MROH7: variants seen among roughly 807,000 people sequenced by gnomAD.
MROH7 encodes the protein maestro heat-like repeat-containing protein family member 7.
Under a neutral mutation model 129.2 loss-of-function variants are expected in MROH7, and 113 were observed. That is an observed-to-expected ratio of 0.87 (90% CI 0.75 to 1.02). The LOEUF (loss-of-function observed/expected upper bound fraction) is 1.02, where lower values mean the gene tolerates loss of function less well. Ranked by LOEUF, MROH7 falls within the 50% of genes least tolerant of loss-of-function variation. The pLI is 0.00. For missense variants in MROH7, 1,601 were observed against 1,671.3 expected (o/e 0.96, Z 0.73); for synonymous variants, 655 against 667.9 (o/e 0.98, Z 0.30).
At chr1:54,673,912 G>C in intron 9 of MROH7, 104 bp from the exon 10 acceptor site, 1 of 1,536,116 alleles carries the variant, frequency 6.5e-7, no homozygotes, top group Non-Finnish European at 9.0e-7. Flanking sequence ...GCCATCTTCA[G>C]AGGGCTGTGC....
At chr1:54,666,959 C>T (rs1458682605) in intron 4 of MROH7, among the ~76,000 whole-genome samples, 1 of 152,148 alleles carries the variant, frequency 6.6e-6, no homozygotes, top group Non-Finnish European at 1.5e-5. Flanking sequence ...TGGGAGAGAT[C>T]AGAAAGACCT....
At chr1:54,705,433 T>C (rs1197071481) in intron 21 of MROH7, among the ~76,000 whole-genome samples, 1 of 152,170 alleles carries the variant, frequency 6.6e-6, no homozygotes, top group Non-Finnish European at 1.5e-5. Context: ...GGGACATCAG[T>C]ATAAATAATT....
intron 3 of MROH7, among the ~76,000 whole-genome samples, chr1:54,660,738 C>A (rs1030847755): frequency 2.6e-5 from 4 of 152,162 alleles, no homozygotes; most frequent in South Asian, 2.1e-4. Flanking sequence ...TCACTTGAAC[C>A]CCGGAGGTGG....
At chr1:54,707,483 G>A (rs1570008102) in intron 22 of MROH7, among the ~76,000 whole-genome samples, 1 of 152,232 alleles carries the variant, frequency 6.6e-6, no homozygotes, top group Non-Finnish European at 1.5e-5. Flanking sequence ...TTCAGGAGGT[G>A]ATGCTGATGA....
intron 1 of MROH7, among the ~76,000 whole-genome samples, chr1:54,643,310 C>T (rs1644415654): frequency 6.6e-6 from 1 of 152,094 alleles, no homozygotes; most frequent in South Asian, 2.1e-4. Flanking sequence ...GGTGAATAGT[C>T]TTGGGGAAGT....
At chr1:54,674,292 T>C in intron 10 of MROH7, 141 bp downstream of exon 10, 2 of 883,608 alleles carry the variant, frequency 2.3e-6, no homozygotes, top group Non-Finnish European at 3.3e-6. Flanking sequence ...ATGGGGACTG[T>C]GGAAACTGGT....
chr1:54,673,085 C>T lies in MROH7; in HGVS notation c.1600-6C>T, dbSNP rs775285172. On this transcript the variant is annotated splice_region_variant and splice_polypyrimidine_tract_variant and intron_variant, in intron 7 of 23. Transcript: ENST00000421030. The stretch of plus-strand genomic sequence containing the variant: ...CTTAGTGGCTTGGTCCTCCTCCCAT[C>T]CACAGGCTCTTTACCATCAGACCCT... 6.2e-7 allele frequency: 1 copy of T among 1,612,268 alleles called. No individual in the cohort carries two copies. The highest frequency in any genetic ancestry group is 8.5e-7 in the Non-Finnish European group (1 of 1,178,524).
chr1:54,651,505 T>G (rs372111022), intron 1 of MROH7: 6 of 152,366 alleles, frequency 3.9e-5, no homozygotes, highest in African/African-American at 1.4e-4. Context: ...TGGGAGAGCC[T>G]GCCTCTTTGG....
chr1:54,701,304 G>C lies in MROH7; in HGVS notation c.3267G>C (p.Leu1089=), dbSNP rs776139612. Residue 1089 remains leucine (L), a synonymous_variant, in exon 19 of 24, where the codon CTG becomes CTC. Transcript: ENST00000421030. ...SAVYVEMLQI[L]LPHFSDAREV... ...TCTATGTGGAGATGCTGCAGATCCT[G>C]CTGCCGCACTTCAGCGACGTGAGGA... is the stretch of plus-strand genomic sequence containing the variant. The C allele has an allele frequency of 9.4e-6, 15 of 1,597,410 alleles. No individual in the cohort carries two copies. The highest frequency in any genetic ancestry group is 1.2e-5 in the Non-Finnish European group (14 of 1,168,806).
intron 1 of MROH7, among the ~76,000 whole-genome samples, chr1:54,642,653 T>C (rs527821277): frequency 1.3e-3 from 194 of 152,308 alleles, no homozygotes; most frequent in Non-Finnish European, 1.4e-3. Context: ...TCTCTCTCTG[T>C]CACCCAGACT....
intron 17 of MROH7, chr1:54,699,797 G>T (rs1192649757): frequency 5.5e-6 from 2 of 366,684 alleles, no homozygotes; most frequent in Non-Finnish European, 9.8e-6. Context: ...AGGAAGTCCA[G>T]GGCACCCAAG....
intron 1 of MROH7, among the ~76,000 whole-genome samples, chr1:54,650,820 C>A (rs1644542958): frequency 6.6e-6 from 1 of 151,726 alleles, no homozygotes; most frequent in Admixed American, 6.6e-5. Flanking sequence ...ACCTCCTGGG[C>A]TCAAGTGATC....
intron 20 of MROH7, 139 bp from the exon 21 acceptor site, chr1:54,702,480 TAAAA>T (rs748758381): frequency 1.2e-6 from 1 of 848,824 alleles, no homozygotes; most frequent in Non-Finnish European, 1.7e-6. Flanking sequence ...AAAATAAAAA[TAAAA>T]TAATAGTAAT....
intron 15 of MROH7, among the ~76,000 whole-genome samples, chr1:54,691,131 G>A (rs1278922608): frequency 6.6e-6 from 1 of 152,170 alleles, no homozygotes; most frequent in Non-Finnish European, 1.5e-5. Context: ...AACACTCTGA[G>A]CCTGCCTGTC....
intron 4 of MROH7, among the ~76,000 whole-genome samples, chr1:54,668,404 T>C (rs1557702052): frequency 6.6e-6 from 1 of 152,236 alleles, no homozygotes; most frequent in Non-Finnish European, 1.5e-5. Flanking sequence ...TTGTTTATTT[T>C]CCTTCTTCTC....
intron 14 of MROH7, among the ~76,000 whole-genome samples, chr1:54,684,581 G>C (rs1297481131): frequency 1.3e-5 from 2 of 152,264 alleles, no homozygotes; most frequent in African/African-American, 4.8e-5. Context: ...GAGCAAGATA[G>C]AGCCGAAAGC....
chr1:54,701,427 G>T, intron 19 of MROH7, 105 bp downstream of exon 19: 2 of 1,031,618 alleles, frequency 1.9e-6, no homozygotes, highest in Middle Eastern at 2.8e-4. Context: ...CCTGGGCAGT[G>T]TTGGGTCAGC....
At chr1:54,669,316 C>T (rs562222269) in intron 5 of MROH7, among the ~76,000 whole-genome samples, 1 of 152,282 alleles carries the variant, frequency 6.6e-6, no homozygotes, top group African/African-American at 2.4e-5. Context: ...GCAGTTTCCT[C>T]ATCATTTTGA....
chr1:54,684,066 A>G (rs1645110704), intron 14 of MROH7, among the ~76,000 whole-genome samples: 1 of 152,188 alleles, frequency 6.6e-6, no homozygotes, highest in Non-Finnish European at 1.5e-5. Flanking sequence ...AGCACTCAGA[A>G]ATGTTTTTGT....
Sources: allele counts gnomAD v4.1 joint callset (sites outside exome capture counted in the v4.1 genomes callset), GRCh38; gene constraint gnomAD v4.1.1; transcripts MANE v1.5; gene names NCBI Gene and HGNC (gene_info 2026-07-23, HGNC 2026-07-21).